U2AF2: variants seen among roughly 807,000 people sequenced by gnomAD.
U2AF2 encodes splicing factor U2AF 65 kDa subunit.
Under a neutral mutation model 52.6 loss-of-function variants are expected in U2AF2, and 6 were observed. The ratio of observed to expected loss-of-function variants is 0.11; its 90% CI spans 0.06 to 0.23. U2AF2 has a LOEUF of 0.23. Among genes scored for constraint, U2AF2 ranks in the 10% least tolerant of loss-of-function variants. The pLI is 1.00. For synonymous variants in U2AF2, 284 were observed against 258.2 expected, an observed-to-expected ratio of 1.10 and a Z score of -0.96; for missense variants, 222 against 677.1, an observed-to-expected ratio of 0.33 and a Z score of 7.46.
chr19:55,660,813 CAG>C (rs368762734), intron 4 of U2AF2, among the ~76,000 whole-genome samples, 194 bp downstream of exon 4: 11 of 152,082 alleles, frequency 7.2e-5, no homozygotes, highest in African/African-American at 9.7e-5. Context: ...CCGTGGTTGA[CAG>C]GGGAATGAGG....
chr19:55,661,516 A>G (rs1010037341), intron 5 of U2AF2, among the ~76,000 whole-genome samples: 2 of 125,490 alleles, frequency 1.6e-5, no homozygotes, highest in African/African-American at 6.7e-5. Context: ...ACACACACAC[A>G]CACACACACA....
chr19:55,659,183 C>G, intron 1 of U2AF2, 27 bp from the exon 2 acceptor site: 1 of 1,523,178 alleles, frequency 6.6e-7, no homozygotes, highest in African/African-American at 1.4e-5. Flanking sequence ...CCGCTTATCC[C>G]GTGCCCCTCC....
chr19:55,655,607 G>A (rs1468150004), intron 1 of U2AF2, among the ~76,000 whole-genome samples: 1 of 152,246 alleles, frequency 6.6e-6, no homozygotes, highest in Non-Finnish European at 1.5e-5. Context: ...CCAAAATGGC[G>A]GTTGTGAGAA....
intron 5 of U2AF2, 38 bp from the exon 6 acceptor site, chr19:55,662,464 T>TCC: frequency 4.9e-6 from 3 of 613,016 alleles, no homozygotes; most frequent in Non-Finnish European, 5.5e-6. Flanking sequence ...CCACCTCCCT[T>TCC]CCCCCGCCCC....
chr19:55,659,144 G>T, intron 1 of U2AF2, 66 bp from the exon 2 acceptor site: 1 of 1,436,514 alleles, frequency 7.0e-7, no homozygotes, highest in Non-Finnish European at 9.2e-7. Flanking sequence ...CCACCAGCGC[G>T]CAGGGTGGGC....
At chr19:55,657,786 C>G (rs937692547) in intron 1 of U2AF2, among the ~76,000 whole-genome samples, 1 of 152,200 alleles carries the variant, frequency 6.6e-6, no homozygotes, top group Non-Finnish European at 1.5e-5. Context: ...GCTTAACTCA[C>G]TGATGTCAGA....
At chr19:55,665,883 G>A (rs1251810666) in intron 7 of U2AF2, among the ~76,000 whole-genome samples, 1 of 152,200 alleles carries the variant, frequency 6.6e-6, no homozygotes, top group Non-Finnish European at 1.5e-5. Flanking sequence ...TCCTGACTTT[G>A]TGACCTGCCT....
chr19:55,655,252 C>A, intron 1 of U2AF2, 99 bp downstream of exon 1: 1 of 1,320,636 alleles, frequency 7.6e-7, no homozygotes, highest in Non-Finnish European at 1.0e-6. Context: ...CACTTCACGG[C>A]CGCGCGGCGC....
intron 3 of U2AF2, 42 bp from the exon 4 acceptor site, chr19:55,660,474 C>T: frequency 1.7e-6 from 2 of 1,162,382 alleles, no homozygotes; most frequent in Middle Eastern, 2.0e-4. Flanking sequence ...GTTGGTCAGA[C>T]TGAGGTTGCC....
At chr19:55,655,206 C>T (rs764716767) in intron 1 of U2AF2, 53 bp downstream of exon 1, 13 of 1,532,330 alleles carry the variant, frequency 8.5e-6, no homozygotes, top group South Asian at 4.7e-5. Flanking sequence ...TCGCGTCGCT[C>T]TTTGCCCCCC....
At chr19:55,665,563 T>G (rs1052208183) in intron 7 of U2AF2, among the ~76,000 whole-genome samples, 2 of 151,964 alleles carry the variant, frequency 1.3e-5, no homozygotes, top group Non-Finnish European at 2.9e-5. Context: ...CTGTCCTAAG[T>G]GCCCTCCATG....
chr19:55,666,895 T>C (rs1984582292), intron 7 of U2AF2, among the ~76,000 whole-genome samples: 1 of 152,236 alleles, frequency 6.6e-6, no homozygotes, highest in Non-Finnish European at 1.5e-5. Context: ...GTGTGGGCTC[T>C]GGAGGCTGCC....
Position 55,660,496 on chromosome 19 carries a change from T to TGCCCGGCC in U2AF2, c.231-20_231-19insGCCCGGCC. 1 of 894,578 alleles carries TGCCCGGCC rather than the reference T, an allele frequency of 1.1e-6. No homozygotes were observed. The highest frequency in any genetic ancestry group is 1.8e-6 in the Non-Finnish European group (1 of 553,304). The allele number at this position is 894,578 out of a possible 1,614,324, so 55.4% of individuals were successfully genotyped here. A position where few individuals can be genotyped will look rare whatever the true frequency, so the allele number is the denominator to read the frequency against. ...AGACTGAGGTTGCCCTGCCCCGCTC[T>TGCCCGGCC]CCCCTCCCACCTCCCCCAGTCGTTC... On this transcript the variant is annotated intron_variant, in intron 3 of 11. Transcript: ENST00000308924.
At chr19:55,660,755 T>A (rs1984131178) in intron 4 of U2AF2, 136 bp downstream of exon 4, 1 of 932,220 alleles carries the variant, frequency 1.1e-6, no homozygotes, top group Non-Finnish European at 1.6e-6. Context: ...GGGGTTCTGG[T>A]CTCTGCGCTT....
intron 7 of U2AF2, among the ~76,000 whole-genome samples, chr19:55,664,718 TTTG>T (rs952746926): frequency 3.4e-4 from 52 of 152,170 alleles, no homozygotes; most frequent in Non-Finnish European, 4.7e-4. Flanking sequence ...TGCTTTTCTT[TTTG>T]TTGTTGTTGT....
At chr19:55,657,205 C>T (rs980667595) in intron 1 of U2AF2, among the ~76,000 whole-genome samples, 14 of 152,196 alleles carry the variant, frequency 9.2e-5, no homozygotes, top group African/African-American at 3.1e-4. Context: ...AGACCTGGCA[C>T]GGCTCCTGGG....
At chr19:55,661,223 T>G (rs768532102) in intron 5 of U2AF2, 34 bp downstream of exon 5, 1 of 1,530,824 alleles carries the variant, frequency 6.5e-7, no homozygotes, top group Admixed American at 1.8e-5. Context: ...CCCTCTCCCT[T>G]GTCCCTCTAC....
chr19:55,669,834 CG>C, intron 11 of U2AF2, 142 bp downstream of exon 11: 1 of 1,312,792 alleles, frequency 7.6e-7, no homozygotes. Context: ...CCTCTCGCAG[CG>C]CGTGCGTATA....
At chr19:55,670,293 C>T (rs1464786005) in intron 11 of U2AF2, among the ~76,000 whole-genome samples, 2 of 152,220 alleles carry the variant, frequency 1.3e-5, no homozygotes, top group South Asian at 2.1e-4. Flanking sequence ...CACCTCACCT[C>T]TCTGCCTCAT....
Sources: allele counts gnomAD v4.1 joint callset (sites outside exome capture counted in the v4.1 genomes callset), GRCh38; gene constraint gnomAD v4.1.1; transcripts MANE v1.5; gene names NCBI Gene and HGNC (gene_info 2026-07-23, HGNC 2026-07-21).